Variants in DAAM1 observed in about 807,000 individuals in gnomAD.
DAAM1 encodes the protein disheveled-associated activator of morphogenesis 1.
Under a neutral mutation model 130.0 loss-of-function variants are expected in DAAM1, and 52 were observed. That is an observed-to-expected ratio of 0.40 (90% CI 0.32 to 0.50). The LOEUF (loss-of-function observed/expected upper bound fraction) is 0.50, where lower values mean the gene tolerates loss of function less well. DAAM1 is among the 20% of genes least tolerant of loss of function. The pLI, the probability that DAAM1 is intolerant of heterozygous loss-of-function variation, is 0.61. For missense variants in DAAM1, 1,134 were observed against 1,303.8 expected (o/e 0.87, Z 2.01); for synonymous variants, 452 against 444.5 (o/e 1.02, Z -0.21).
At chr14:59,242,976 T>C (rs1426987805) in intron 1 of DAAM1, among the ~76,000 whole-genome samples, 1 of 152,168 alleles carries the variant, frequency 6.6e-6, no homozygotes, top group South Asian at 2.1e-4. Context: ...TCCTTGAAGT[T>C]CAAAGCACTT....
chr14:59,190,107 G>A (rs1257145454), intron 1 of DAAM1, among the ~76,000 whole-genome samples: 1 of 152,102 alleles, frequency 6.6e-6, no homozygotes, highest in Non-Finnish European at 1.5e-5. Context: ...GCGGGCAGCT[G>A]GGAGGGAGTG....
At chr14:59,268,250 G>A (rs1882552434) in intron 2 of DAAM1, among the ~76,000 whole-genome samples, 1 of 152,146 alleles carries the variant, frequency 6.6e-6, no homozygotes, top group Non-Finnish European at 1.5e-5. Flanking sequence ...ATCATTGATG[G>A]ACATTTGGGC....
intron 1 of DAAM1, among the ~76,000 whole-genome samples, chr14:59,222,159 G>C (rs1888794028): frequency 6.6e-6 from 1 of 152,188 alleles, no homozygotes; most frequent in African/African-American, 2.4e-5. Context: ...TGATGGTAGG[G>C]AACATGGTAA....
In DAAM1 at chr14:59,324,154, C is replaced by T; in HGVS notation, c.801C>T (p.Ser267=). Residue 267 remains serine, a synonymous_variant, in exon 7 of 25, where the codon AGC becomes AGT. Coordinates refer to ENST00000360909, the MANE Select transcript of DAAM1 (RefSeq NM_001270520.2). ...FQTLINDLDK[S]TGRYRDEVSL... is the part of the protein sequence containing the mutation. ...CATTAATTAACGACTTGGATAAAAG[C>T]ACTGGGCGGTATCGAGATGAAGTGA... is the stretch of plus-strand genomic sequence containing the variant. 1 of 1,428,584 alleles carries T rather than the reference C, an allele frequency of 7.0e-7. No homozygotes were observed. 88.5% of individuals were successfully genotyped at this position (1,428,584 alleles called of 1,614,324 possible). A position where few individuals can be genotyped will look rare whatever the true frequency, so the allele number is the denominator to read the frequency against.
intron 15 of DAAM1, among the ~76,000 whole-genome samples, chr14:59,334,958 C>G (rs1566710063): frequency 6.6e-6 from 1 of 152,144 alleles, no homozygotes; most frequent in Non-Finnish European, 1.5e-5. Context: ...ATGATATGCA[C>G]AGTTCCCAAT....
intron 3 of DAAM1, among the ~76,000 whole-genome samples, chr14:59,300,921 C>T (rs1002121584): frequency 1.3e-5 from 2 of 152,112 alleles, no homozygotes; most frequent in Non-Finnish European, 2.9e-5. Context: ...TTGTGATGAA[C>T]ATGTTTGTGC....
At chr14:59,319,405 T>C (rs1237922723) in intron 4 of DAAM1, among the ~76,000 whole-genome samples, 2 of 152,242 alleles carry the variant, frequency 1.3e-5, no homozygotes, top group Non-Finnish European at 2.9e-5. Context: ...CTATTGATTG[T>C]CACTCTTGAT....
intron 24 of DAAM1, among the ~76,000 whole-genome samples, chr14:59,367,968 G>C (rs1456263122): frequency 6.6e-6 from 1 of 152,020 alleles, no homozygotes; most frequent in Non-Finnish European, 1.5e-5. Context: ...CCATATAATG[G>C]AATATTTATG....
At chr14:59,336,979 A>G (rs1010865893) in intron 15 of DAAM1, among the ~76,000 whole-genome samples, 4 of 152,134 alleles carry the variant, frequency 2.6e-5, no homozygotes, top group Non-Finnish European at 4.4e-5. Context: ...CCGGTAAATA[A>G]CAGTTGCCTG....
Position 59,323,216 on chromosome 14 carries a change from C to G in DAAM1, c.765C>G (p.Thr255=). 6.2e-7 allele frequency: 1 copy of G among 1,604,304 alleles called. No homozygotes were observed. Among genetic ancestry groups the G allele is most frequent in the Non-Finnish European group, 8.5e-7 (1 of 1,173,920 alleles). Residue 255 remains threonine, a synonymous_variant, in exon 6 of 25, where the codon ACC becomes ACG. Transcript: ENST00000360909. The part of the protein sequence containing the change: ...LHYQKYASER[T]RFQTLINDLD... ...ACCAGAAGTATGCCAGCGAAAGGAC[C>G]CGCTTTCAGGTGGGTGTTCGCTCAG... is the stretch of plus-strand genomic sequence containing the variant.
chr14:59,365,541 T>C (rs2139692061), intron 23 of DAAM1, among the ~76,000 whole-genome samples: 1 of 152,362 alleles, frequency 6.6e-6, no homozygotes, highest in South Asian at 2.1e-4. Context: ...AAGGACACTT[T>C]TGTTACAAGT....
intron 19 of DAAM1, among the ~76,000 whole-genome samples, chr14:59,354,592 T>C (rs564832782): frequency 6.6e-6 from 1 of 152,078 alleles, no homozygotes; most frequent in Non-Finnish European, 1.5e-5. Flanking sequence ...CCTTAGTAGC[T>C]TTTTTAAAGG....
chr14:59,355,446 C>T, intron 20 of DAAM1, 113 bp downstream of exon 20: 2 of 1,298,430 alleles, frequency 1.5e-6, no homozygotes, highest in Non-Finnish European at 1.1e-6. Context: ...TCAGTTGGAA[C>T]TTCTCTTTCT....
At chr14:59,288,639 A>G (rs763772880) in intron 2 of DAAM1, among the ~76,000 whole-genome samples, 4 of 152,190 alleles carry the variant, frequency 2.6e-5, no homozygotes, top group Non-Finnish European at 5.9e-5. Flanking sequence ...AACCAATATG[A>G]AAAAATGCTA....
At chr14:59,225,150 C>T (rs1468531312) in intron 1 of DAAM1, among the ~76,000 whole-genome samples, 2 of 151,090 alleles carry the variant, frequency 1.3e-5, no homozygotes, top group Non-Finnish European at 2.9e-5. Context: ...GCCTCAGCCT[C>T]CCGAGTAGCT....
intron 3 of DAAM1, among the ~76,000 whole-genome samples, chr14:59,295,242 G>A (rs575905679): frequency 6.6e-6 from 1 of 152,258 alleles, no homozygotes; most frequent in Non-Finnish European, 1.5e-5. Context: ...TGTATGTGTT[G>A]AGGTCTACTT....
intron 1 of DAAM1, among the ~76,000 whole-genome samples, chr14:59,212,505 C>T (rs1888456636): frequency 6.6e-6 from 1 of 152,194 alleles, no homozygotes; most frequent in African/African-American, 2.4e-5. Flanking sequence ...AGATGATTGC[C>T]TGATAAAGAT....
At chr14:59,306,454 T>C (rs979683252) in intron 3 of DAAM1, among the ~76,000 whole-genome samples, 12 of 152,206 alleles carry the variant, frequency 7.9e-5, no homozygotes, top group Non-Finnish European at 1.5e-4. Flanking sequence ...ACAATTCTGC[T>C]CCTATCCTGC....
chr14:59,235,705 T>C (rs563505019), intron 1 of DAAM1, among the ~76,000 whole-genome samples: 73 of 152,344 alleles, frequency 4.8e-4, no homozygotes, highest in African/African-American at 1.7e-3. Flanking sequence ...TTGCTCTTGC[T>C]TCTCTAGTTC....
Sources: gnomAD v4.1 joint callset for allele counts (sites outside exome capture counted in the v4.1 genomes callset) on GRCh38, gnomAD v4.1.1 for gene constraint, MANE v1.5 for transcripts, NCBI Gene and HGNC (gene_info 2026-07-23, HGNC 2026-07-21) for gene names.